RNF6: variants seen among roughly 807,000 people sequenced by gnomAD.
RNF6 encodes ring finger protein 6.
In RNF6, 21 loss-of-function variants were observed where a neutral mutation model predicts 50.1. The ratio of observed to expected loss-of-function variants is 0.42; its 90% CI spans 0.30 to 0.60. The LOEUF is 0.60. Among genes scored for constraint, RNF6 ranks in the 20% least tolerant of loss-of-function variants. The pLI, the probability that RNF6 is intolerant of heterozygous loss-of-function variation, is 0.20. For missense variants in RNF6, 698 were observed against 838.2 expected (o/e 0.83, Z 2.07); for synonymous variants, 255 against 291.8 (o/e 0.87, Z 1.29).
intron 5 of RNF6, among the ~76,000 whole-genome samples, chr13:26,185,718 C>T (rs1054245170): frequency 2.0e-5 from 3 of 152,136 alleles, no homozygotes; most frequent in African/African-American, 7.2e-5. Context: ...TGCACTCCAG[C>T]CTGGGCAAAA....
At chr13:26,186,697 G>A (rs9553762) in intron 5 of RNF6, among the ~76,000 whole-genome samples, 151,265 of 152,284 alleles carry the variant, frequency 0.99, 75,131 homozygotes, top group Middle Eastern at 1. Context: ...TTCCTTCGCT[G>A]TGCTGACCGT....
At chr13:26,197,114 A>G (rs1868696772) in intron 5 of RNF6, among the ~76,000 whole-genome samples, 1 of 151,884 alleles carries the variant, frequency 6.6e-6, no homozygotes, top group Non-Finnish European at 1.5e-5. Context: ...AAACCCCTGC[A>G]CTAAGAGATT....
At chr13:26,202,425 A>G (rs1156784744) in intron 5 of RNF6, among the ~76,000 whole-genome samples, 3 of 152,362 alleles carry the variant, frequency 2.0e-5, no homozygotes, top group East Asian at 3.9e-4. Context: ...ATGATTTGAG[A>G]AATTCACATT....
chr13:26,195,984 T>C (rs1013348899), intron 5 of RNF6, among the ~76,000 whole-genome samples: 4 of 152,250 alleles, frequency 2.6e-5, no homozygotes, highest in Middle Eastern at 3.4e-3. Context: ...GACATACATA[T>C]AGTAGGAGAC....
At chr13:26,179,569 C>T (rs751444608) in intron 5 of RNF6, among the ~76,000 whole-genome samples, 17 of 152,172 alleles carry the variant, frequency 1.1e-4, no homozygotes, top group South Asian at 4.1e-4. Flanking sequence ...TCTTATCTCA[C>T]GGCTCTGCAT....
rs142316362 is a variant in RNF6, at chr13:26,169,431, G to T, written n.769-36980C>A. Among the ~76,000 whole-genome samples, 11 of 152,314 alleles carry T rather than the reference G, an allele frequency of 7.2e-5. No individual in the cohort carries two copies. The East Asian group carries it at 2.1e-3, about 29-fold the overall frequency. On this transcript the variant is annotated intron_variant and non_coding_transcript_variant, in intron 5 of 5. Transcript: ENST00000468480. ...GACCAGAGAGGAGCTCCCTGACCAA[G>T]GCAGCCATTAAGGTCCCCTCAGCTT... is the stretch of plus-strand genomic sequence containing the variant.
chr13:26,177,158 G>C (rs988580343), intron 5 of RNF6, among the ~76,000 whole-genome samples: 2 of 152,106 alleles, frequency 1.3e-5, no homozygotes, highest in Admixed American at 1.3e-4. Flanking sequence ...TGAACTTCTA[G>C]TTTCAGACCT....
chr13:26,148,632 T>TTATTTATATA (rs1555314573), intron 5 of RNF6, among the ~76,000 whole-genome samples: 3 of 47,086 alleles, frequency 6.4e-5, no homozygotes, highest in Non-Finnish European at 1.1e-4. Flanking sequence ...ATAAATCTCT[T>TTATTTATATA]TATATATATA....
chr13:26,143,546 A>G (rs770336254), intron 5 of RNF6, among the ~76,000 whole-genome samples: 4 of 152,136 alleles, frequency 2.6e-5, no homozygotes, highest in Admixed American at 6.5e-5. Context: ...GTGACTCACT[A>G]GGGGTAATAG....
intron 5 of RNF6, among the ~76,000 whole-genome samples, chr13:26,174,780 C>T (rs534547662): frequency 3.3e-5 from 5 of 152,272 alleles, no homozygotes; most frequent in South Asian, 2.1e-4. Context: ...CTCCCCAGCC[C>T]GCCTTGTAAA....
In RNF6 at chr13:26,214,515, T is replaced by G; in HGVS notation, c.1367A>C (p.Tyr456Ser). The G allele has an allele frequency of 6.2e-7, 1 of 1,614,160 alleles. No individual in the cohort carries two copies. The highest frequency in any genetic ancestry group is 8.5e-7 in the Non-Finnish European group (1 of 1,180,034). ...AAGAGGAACTGTTATGGTACTAACA[T>G]AGGTTCGAATACCTGACCGCTCTAA... The part of the protein sequence containing the change: ...SRLERSGIRT[Y>S]VSTITVPLRR... Residue 456 changes from tyrosine to serine, a missense_variant, in exon 5 of 5, where the codon TAT becomes TCT. Tyr to Ser is a moderately radical substitution (Grantham distance 144, BLOSUM62 -2). Coordinates refer to ENST00000381588, the MANE Select transcript of RNF6 (RefSeq NM_005977.4).
intron 5 of RNF6, among the ~76,000 whole-genome samples, chr13:26,167,010 C>T (rs1418471455): frequency 1.3e-5 from 2 of 152,158 alleles, no homozygotes; most frequent in African/African-American, 2.4e-5. Flanking sequence ...TATAAATTAC[C>T]CAGTCTTGGG....
chr13:26,212,897 C>T lies in RNF6; in HGVS notation c.*927G>A, dbSNP rs1199699027. On this transcript the variant is annotated 3_prime_UTR_variant, in exon 5 of 5. Coordinates refer to ENST00000381588, the MANE Select transcript of RNF6 (RefSeq NM_005977.4). Reference sequence around the variant, plus strand: ...TGGAGATTTTTAGCCTCCAAGTGAACTTAACATATTGCCTATGCATCTGAT... The same window carrying T: ...TGGAGATTTTTAGCCTCCAAGTGAATTTAACATATTGCCTATGCATCTGAT... 2.6e-5 allele frequency: 4 copies of T among 152,384 alleles called. No individual in the cohort carries two copies. The highest frequency in any genetic ancestry group is 7.3e-5 in the African/African-American group (3 of 41,346). 9.4% of individuals were successfully genotyped at this position (152,384 alleles called of 1,614,324 possible).
At chr13:26,162,115 C>T (rs372652994) in intron 5 of RNF6, among the ~76,000 whole-genome samples, 108 of 152,202 alleles carry the variant, frequency 7.1e-4, no homozygotes, top group Middle Eastern at 3.4e-3. Context: ...TTCTTAGAGA[C>T]GGCAAAGGAC....
chr13:26,184,321 G>A (rs1175972057), intron 5 of RNF6, among the ~76,000 whole-genome samples: 6 of 151,964 alleles, frequency 3.9e-5, no homozygotes, highest in South Asian at 2.1e-4. Flanking sequence ...GTGAGCCACC[G>A]CGCCCGGCCG....
At chr13:26,180,337 C>T (rs12100295) in intron 5 of RNF6, among the ~76,000 whole-genome samples, 57,058 of 152,008 alleles carry the variant, frequency 0.38, 11,816 homozygotes, top group East Asian at 0.7. Context: ...AACCCTGCAA[C>T]ATGTCAAGAG....
At chr13:26,180,680 G>A (rs1281967367) in intron 5 of RNF6, among the ~76,000 whole-genome samples, 3 of 152,206 alleles carry the variant, frequency 2.0e-5, no homozygotes, top group Admixed American at 6.5e-5. Flanking sequence ...CACATTTAAG[G>A]TGTCTTTCCC....
At chr13:26,145,640 C>T (rs1437683930) in intron 5 of RNF6, among the ~76,000 whole-genome samples, 2 of 152,194 alleles carry the variant, frequency 1.3e-5, no homozygotes, top group Non-Finnish European at 2.9e-5. Flanking sequence ...GAAGCAGAAA[C>T]CTGTACAGCT....
intron 5 of RNF6, among the ~76,000 whole-genome samples, chr13:26,146,694 G>A (rs1871264824): frequency 6.6e-6 from 1 of 152,124 alleles, no homozygotes; most frequent in African/African-American, 2.4e-5. Context: ...TTTCATCTAT[G>A]TTTCAGCCAA....
Sources: allele counts gnomAD v4.1 joint callset (sites outside exome capture counted in the v4.1 genomes callset), GRCh38; gene constraint gnomAD v4.1.1; transcripts MANE v1.5; gene names NCBI Gene and HGNC (gene_info 2026-07-23, HGNC 2026-07-21).